Variants in C3orf18 observed in about 807,000 individuals in gnomAD.
The protein encoded by C3orf18 is chromosome 3 open reading frame 18.
A neutral mutation model predicts 14.1 loss-of-function variants in C3orf18; 12 were observed. The ratio of observed to expected loss-of-function variants is 0.85; its 90% CI spans 0.55 to 1.38. The LOEUF is 1.38. Among genes scored for constraint, C3orf18 ranks in the 40% most tolerant of loss-of-function variants. The pLI is 0.00. For synonymous variants in C3orf18, 82 were observed against 87.9 expected (o/e 0.93, Z 0.38); for missense variants, 196 against 213.9 (o/e 0.92, Z 0.52).
chr3:50,559,962 A>T (rs1199189236), intron 5 of C3orf18, among the ~76,000 whole-genome samples: 1 of 152,136 alleles, frequency 6.6e-6, no homozygotes, highest in East Asian at 1.9e-4. Flanking sequence ...GTGTTGATTT[A>T]ATTATGCATG....
Position 50,559,159 on chromosome 3 carries a change from C to G in C3orf18, c.*498G>C. On this transcript the variant is annotated 3_prime_UTR_variant, in exon 6 of 6. Coordinates refer to ENST00000357203, the MANE Select transcript of C3orf18 (RefSeq NM_016210.5). ...GTTTCAGCTCCATCTCTGGGCTTCT[C>G]AGGGCCCATAACAGATGCTGCCCTA... 7.8e-7 allele frequency: 1 copy of G among 1,289,952 alleles called. No homozygotes were observed. The highest frequency in any genetic ancestry group is 5.5e-5 in the East Asian group (1 of 18,032). 79.9% of individuals were successfully genotyped at this position (1,289,952 alleles called of 1,614,324 possible).
upstream of C3orf18, among the ~76,000 whole-genome samples, chr3:50,574,080 C>T (rs1259020233): frequency 6.6e-6 from 1 of 152,244 alleles, no homozygotes; most frequent in African/African-American, 2.4e-5. Context: ...GGGCCAGCCT[C>T]TTGATGGGGT....
chr3:50,560,040 G>C (rs534030222), intron 5 of C3orf18, among the ~76,000 whole-genome samples: 11 of 152,328 alleles, frequency 7.2e-5, no homozygotes, highest in Admixed American at 6.5e-4. Context: ...CACAGGGGCT[G>C]GTACAAGGAG....
chr3:50,564,664 T>C (rs1700176277), intron 3 of C3orf18, among the ~76,000 whole-genome samples: 1 of 152,184 alleles, frequency 6.6e-6, no homozygotes, highest in Non-Finnish European at 1.5e-5. Context: ...TCCCAGCCTC[T>C]ATTGGGTTCC....
At chr3:50,571,953 A>G (rs1440600835), upstream of C3orf18, 5 of 1,128,316 alleles carry the variant, frequency 4.4e-6, no homozygotes, top group Non-Finnish European at 6.2e-6. Context: ...GGGGTACTGA[A>G]TAGGAAGAAG....
In C3orf18 at chr3:50,559,427, C is replaced by T. The variant is rs952056836; in HGVS notation, c.*230G>A. 10 of 1,395,322 alleles carry T rather than the reference C, an allele frequency of 7.2e-6. No homozygotes were observed. The South Asian group carries it at 1.5e-4, about 22-fold the overall frequency. The allele number at this position is 1,395,322 out of a possible 1,614,324, so 86.4% of individuals were successfully genotyped here. On this transcript the variant is annotated 3_prime_UTR_variant, in exon 6 of 6. Transcript: ENST00000357203. Reference sequence around the variant, plus strand: ...TCAGCATGAGGGATGCCCTCTGTGCCAGGGCCCTCAGGTCAGGAGAAGTCA... The same window carrying T: ...TCAGCATGAGGGATGCCCTCTGTGCTAGGGCCCTCAGGTCAGGAGAAGTCA...
chr3:50,565,627 G>A lies in C3orf18; in HGVS notation c.73C>T (p.Pro25Ser). ...RPPTSESDLE[P>S]ATDGPASETT... ...TCGGAGGCTGGCCCATCTGTGGCAG[G>A]TTCCAGGTCAGACTCAGAGGTGGGT... Residue 25 changes from proline to serine, a missense_variant, in exon 3 of 6, where the codon CCT (proline) becomes TCT (serine). By Grantham distance (74) the Pro-to-Ser change is moderately conservative (BLOSUM62 -1). Coordinates refer to ENST00000357203, the MANE Select transcript of C3orf18 (RefSeq NM_016210.5). This position sits in a 1 kb window ranked among gnomAD's most constrained non-coding sequence, Gnocchi z 4.4. The A allele has an allele frequency of 1.2e-6, 2 of 1,613,742 alleles. No homozygotes were observed. Among genetic ancestry groups the A allele is most frequent in the Non-Finnish European group, 1.7e-6 (2 of 1,180,032 alleles).
chr3:50,562,585 G>A (rs758345220), intron 3 of C3orf18: 21 of 455,966 alleles, frequency 4.6e-5, no homozygotes, highest in South Asian at 2.3e-4. Flanking sequence ...CTGACACCCC[G>A]TCTCTACAAC....
Position 50,559,383 on chromosome 3 carries a change from G to T in C3orf18, c.*274C>A. 4 of 1,345,718 alleles carry T rather than the reference G, an allele frequency of 3.0e-6. No homozygotes were observed. Among genetic ancestry groups the T allele is most frequent in the Non-Finnish European group, 3.8e-6 (4 of 1,043,840 alleles). 83.4% of individuals were successfully genotyped at this position (1,345,718 alleles called of 1,614,324 possible). On this transcript the variant is annotated 3_prime_UTR_variant, in exon 6 of 6. Coordinates refer to ENST00000357203, the MANE Select transcript of C3orf18 (RefSeq NM_016210.5). ...ATCTGGACAGGGGATGAGGAAGCCA[G>T]CAGAGGCTCTTGACCTTCTCAGCAT...
At chr3:50,562,466 A>G (rs1163387404) in intron 3 of C3orf18, 1 of 454,448 alleles carries the variant, frequency 2.2e-6, no homozygotes, top group East Asian at 6.9e-5. Flanking sequence ...GCAGGCAAAA[A>G]GTAAAGGGAC....
upstream of C3orf18, chr3:50,571,653 C>T: frequency 6.6e-7 from 1 of 1,509,338 alleles, no homozygotes; most frequent in Non-Finnish European, 9.2e-7. Context: ...CATAAGACAC[C>T]TGGGTTGGGG....
rs1304223994 is a variant in C3orf18 at position 50,560,991 on chromosome 3, G to A, written c.334C>T (p.Gln112Ter). Reference sequence around the variant, plus strand: ...TCCCGCCCATGCTCCAGCAGCTCCTGCTCCAACTCATCTTGTTCCTCCGTG... The same window carrying A: ...TCCCGCCCATGCTCCAGCAGCTCCTACTCCAACTCATCTTGTTCCTCCGTG... ...DPTEEQDELE[Q>*]ELLEHGRDAA... is the part of the protein sequence containing the mutation. Residue 112 changes from glutamine to a stop codon, truncating the protein, a stop_gained, in exon 5 of 6, where the codon CAG becomes TAG. Coordinates refer to ENST00000357203, the MANE Select transcript of C3orf18 (RefSeq NM_016210.5). LOFTEE classifies it high-confidence loss of function. 6.2e-7 allele frequency: 1 copy of A among 1,614,168 alleles called. No homozygotes were observed. Among genetic ancestry groups the A allele is most frequent in the African/African-American group, 1.3e-5 (1 of 75,062 alleles).
At position 50,558,775 on chromosome 3, in the gene C3orf18, G is replaced by A. The variant is rs1294951439; in HGVS notation, c.*882C>T. On this transcript the variant is annotated 3_prime_UTR_variant, in exon 6 of 6. Transcript: ENST00000357203. ...TTCCCTCTTCCCTGCAGTCCCTGAAGATTGAAGGCAGAGAAGATAGCCTAC... is the reference window on the plus strand; with the variant it reads ...TTCCCTCTTCCCTGCAGTCCCTGAAAATTGAAGGCAGAGAAGATAGCCTAC... 2.3e-6 allele frequency: 3 copies of A among 1,289,748 alleles called. No homozygotes were observed. The Admixed American group carries it at 6.9e-5, about 30-fold the overall frequency. The allele number at this position is 1,289,748 out of a possible 1,614,324, so 79.9% of individuals were successfully genotyped here. A position where few individuals can be genotyped will look rare whatever the true frequency, so the allele number is the denominator to read the frequency against.
At chr3:50,560,037 G>A (rs1699871352) in intron 5 of C3orf18, among the ~76,000 whole-genome samples, 1 of 152,246 alleles carries the variant, frequency 6.6e-6, no homozygotes, top group Non-Finnish European at 1.5e-5. Context: ...TAGCACAGGG[G>A]CTGGTACAAG....
chr3:50,571,440 AT>A, upstream of C3orf18: 1 of 849,142 alleles, frequency 1.2e-6, no homozygotes, highest in Non-Finnish European at 1.8e-6. Flanking sequence ...GACTGATGGG[AT>A]TTTTCTGAAG....
chr3:50,569,532 A>C (rs964833442), upstream of C3orf18: 1 of 148,724 alleles, frequency 6.7e-6, no homozygotes, highest in South Asian at 2.1e-4. Context: ...AGTTCGGGGC[A>C]GCTTCTCCGG....
chr3:50,570,789 A>G (rs952718409), upstream of C3orf18: 4 of 260,116 alleles, frequency 1.5e-5, no homozygotes, highest in East Asian at 3.0e-4. Flanking sequence ...CCAAGACAAG[A>G]ATGATCAAAT....
chr3:50,571,144 G>C (rs375769162), upstream of C3orf18: 179 of 1,611,966 alleles, frequency 1.1e-4, 3 homozygotes, highest in Non-Finnish European at 9.2e-5. Context: ...CCTCCTGTCT[G>C]GCCCAGGGAG....
At chr3:50,566,497 A>T (rs1700304927) in intron 1 of C3orf18, among the ~76,000 whole-genome samples, 1 of 151,462 alleles carries the variant, frequency 6.6e-6, no homozygotes, top group African/African-American at 2.5e-5. Flanking sequence ...CCCCATCCAC[A>T]GTAAGCATCC....
Sources: gnomAD v4.1 joint callset for allele counts (sites outside exome capture counted in the v4.1 genomes callset) on GRCh38, gnomAD v4.1.1 for gene constraint, Gnocchi (gnomAD v3.1) non-coding constraint, MANE v1.5 for transcripts, NCBI Gene and HGNC (gene_info 2026-07-23, HGNC 2026-07-21) for gene names.